CHCHD6: variants seen among roughly 807,000 people sequenced by gnomAD.
The protein encoded by CHCHD6 is MICOS complex subunit MIC25.
A neutral mutation model predicts 32.3 loss-of-function variants in CHCHD6; 28 were observed. The observed-to-expected ratio is 0.87, with a 90% CI of 0.64 to 1.19. CHCHD6 has a LOEUF of 1.19. Ranked by LOEUF, CHCHD6 falls within the 50% of genes most tolerant of loss-of-function variation. The probability of loss-of-function intolerance (pLI) is 0.00; values close to 1 mark genes in which losing one functional copy is unlikely to be tolerated. For missense variants in CHCHD6, 333 were observed against 307.0 expected (o/e 1.08, Z -0.63); for synonymous variants, 122 against 117.5 (o/e 1.04, Z -0.25).
At chr3:126,706,470 G>A (rs1174242667) in intron 1 of CHCHD6, among the ~76,000 whole-genome samples, 1 of 152,074 alleles carries the variant, frequency 6.6e-6, no homozygotes, top group Non-Finnish European at 1.5e-5. Flanking sequence ...TGAAAATTTT[G>A]TGACAATACC....
intron 6 of CHCHD6, among the ~76,000 whole-genome samples, chr3:126,939,234 G>T (rs1044235716): frequency 6.6e-6 from 1 of 152,130 alleles, no homozygotes; most frequent in Non-Finnish European, 1.5e-5. Flanking sequence ...GGTTTTGAGT[G>T]CCAGGGGTTT....
chr3:126,872,269 GGCCAGCCTATAGACCCA>G (rs2077485388), intron 5 of CHCHD6, among the ~76,000 whole-genome samples: 1 of 152,084 alleles, frequency 6.6e-6, no homozygotes, highest in South Asian at 2.1e-4. Flanking sequence ...GGTACCATGG[GGCCAGCCTATAGACCCA>G]GCTTCTCGGG....
intron 4 of CHCHD6, among the ~76,000 whole-genome samples, chr3:126,747,488 A>G (rs1322908530): frequency 6.6e-6 from 1 of 152,082 alleles, no homozygotes; most frequent in Non-Finnish European, 1.5e-5. Context: ...GTACCTAAAC[A>G]TTTTCTTAGT....
intron 6 of CHCHD6, among the ~76,000 whole-genome samples, chr3:126,927,904 C>T (rs1000298755): frequency 1.3e-5 from 2 of 152,210 alleles, no homozygotes; most frequent in Admixed American, 6.5e-5. Context: ...TAGTTATTTG[C>T]GCCTTGAGGG....
At chr3:126,834,048 C>T (rs1410508760) in intron 4 of CHCHD6, among the ~76,000 whole-genome samples, 8 of 103,010 alleles carry the variant, frequency 7.8e-5, no homozygotes, top group East Asian at 2.6e-4. Flanking sequence ...AGCGAGACTC[C>T]GTCTCAAAAA....
At chr3:126,795,131 G>T (rs2107687855) in intron 4 of CHCHD6, among the ~76,000 whole-genome samples, 1 of 152,302 alleles carries the variant, frequency 6.6e-6, no homozygotes, top group African/African-American at 2.4e-5. Flanking sequence ...TGGCCTTGTT[G>T]CTGGGGCTGG....
intron 4 of CHCHD6, among the ~76,000 whole-genome samples, chr3:126,792,901 C>A (rs1434703508): frequency 6.6e-6 from 1 of 151,980 alleles, no homozygotes; most frequent in African/African-American, 2.4e-5. Flanking sequence ...TACATTTGTT[C>A]TGTGTATTTT....
At chr3:126,786,774 T>A (rs896904841) in intron 4 of CHCHD6, among the ~76,000 whole-genome samples, 1 of 152,238 alleles carries the variant, frequency 6.6e-6, no homozygotes, top group African/African-American at 2.4e-5. Flanking sequence ...TTTTTTAGGT[T>A]GTCTGTTCAC....
At chr3:126,821,482 G>A (rs1415193897) in intron 4 of CHCHD6, among the ~76,000 whole-genome samples, 1 of 152,116 alleles carries the variant, frequency 6.6e-6, no homozygotes, top group Non-Finnish European at 1.5e-5. Context: ...TTTTAGTAGA[G>A]ACGGGATTTC....
chr3:126,717,922 G>A (rs1003089269), intron 1 of CHCHD6, among the ~76,000 whole-genome samples: 10 of 152,164 alleles, frequency 6.6e-5, no homozygotes, highest in Non-Finnish European at 1.2e-4. Flanking sequence ...GCTGGAGAGG[G>A]GAGGAGAGAG....
chr3:126,912,522 C>T (rs2078105991), intron 5 of CHCHD6, among the ~76,000 whole-genome samples: 1 of 152,146 alleles, frequency 6.6e-6, no homozygotes, highest in African/African-American at 2.4e-5. Flanking sequence ...GTTGGCATTT[C>T]CCAGCTGTCA....
intron 5 of CHCHD6, among the ~76,000 whole-genome samples, chr3:126,890,572 A>G (rs2077743416): frequency 6.6e-6 from 1 of 152,194 alleles, no homozygotes; most frequent in South Asian, 2.1e-4. Context: ...GCTCTGTGTC[A>G]TATACGCAAA....
intron 5 of CHCHD6, among the ~76,000 whole-genome samples, chr3:126,913,094 C>T (rs1256710122): frequency 6.6e-6 from 1 of 152,128 alleles, no homozygotes; most frequent in Non-Finnish European, 1.5e-5. Context: ...CCTTCACTGC[C>T]ACACAAGCGT....
At chr3:126,856,945 AC>A (rs1192297572) in intron 5 of CHCHD6, among the ~76,000 whole-genome samples, 4 of 152,208 alleles carry the variant, frequency 2.6e-5, no homozygotes, top group Non-Finnish European at 5.9e-5. Flanking sequence ...TTTAGGACTA[AC>A]CTGCCAGCTG....
intron 5 of CHCHD6, among the ~76,000 whole-genome samples, chr3:126,898,827 C>T (rs1261530108): frequency 6.6e-6 from 1 of 152,226 alleles, no homozygotes; most frequent in Non-Finnish European, 1.5e-5. Flanking sequence ...GCGTGAGCCA[C>T]CACACCTGGC....
intron 5 of CHCHD6, among the ~76,000 whole-genome samples, chr3:126,857,724 G>C (rs912217148): frequency 1.3e-5 from 2 of 152,226 alleles, no homozygotes; most frequent in Non-Finnish European, 2.9e-5. Flanking sequence ...CTACATATCA[G>C]GGAAATGCAA....
At chr3:126,949,066 A>G (rs147273252) in intron 6 of CHCHD6, among the ~76,000 whole-genome samples, 4 of 152,328 alleles carry the variant, frequency 2.6e-5, no homozygotes, top group Admixed American at 1.3e-4. Context: ...ATTAATAGAC[A>G]GTGGTGGCAC....
intron 4 of CHCHD6, among the ~76,000 whole-genome samples, chr3:126,792,281 T>C (rs908102739): frequency 1.4e-5 from 2 of 147,118 alleles, no homozygotes; most frequent in Non-Finnish European, 3.0e-5. Context: ...TATTAGAATA[T>C]ATATTCTAGA....
At chr3:126,750,739 A>T (rs1936689031) in intron 4 of CHCHD6, among the ~76,000 whole-genome samples, 1 of 152,238 alleles carries the variant, frequency 6.6e-6, no homozygotes, top group Admixed American at 6.5e-5. Flanking sequence ...TTCCTTTTGC[A>T]ATGAGCCTGA....
Sources: allele counts gnomAD v4.1 joint callset (sites outside exome capture counted in the v4.1 genomes callset), GRCh38; gene constraint gnomAD v4.1.1; transcripts MANE v1.5; gene names NCBI Gene and HGNC (gene_info 2026-07-23, HGNC 2026-07-21).